Variants in NECAB2 observed in about 807,000 individuals in gnomAD.
The protein encoded by NECAB2 is N-terminal EF-hand calcium binding protein 2, also known as N-terminal EF-hand calcium-binding protein 2.
In NECAB2, 68 loss-of-function variants were observed where a neutral mutation model predicts 51.9. The observed-to-expected ratio is 1.31, with a 90% CI of 1.08 to 1.60. The LOEUF (loss-of-function observed/expected upper bound fraction) is 1.60, where lower values mean the gene tolerates loss of function less well. Ranked by LOEUF, NECAB2 falls within the 40% of genes most tolerant of loss-of-function variation. The probability of loss-of-function intolerance (pLI) is 0.00; values close to 1 mark genes in which losing one functional copy is unlikely to be tolerated. For missense variants in NECAB2, 854 were observed against 490.3 expected, an observed-to-expected ratio of 1.74 and a Z score of -7.00; for synonymous variants, 329 against 203.5, an observed-to-expected ratio of 1.62 and a Z score of -5.25.
chr16:83,990,381 C>G lies in NECAB2; in HGVS notation c.460-113C>G, dbSNP rs1359730866. ...AGGAGGCCGTGGGGTCCTCCCTTCCCTTTGCAAAGCAAATTCACCAGCACC... is the reference window on the plus strand; with the variant it reads ...AGGAGGCCGTGGGGTCCTCCCTTCCGTTTGCAAAGCAAATTCACCAGCACC... On this transcript the variant is annotated intron_variant, in intron 5 of 12. Transcript: ENST00000305202. 3.5e-6 allele frequency: 5 copies of G among 1,419,850 alleles called. No homozygotes were observed. The East Asian group carries it at 6.9e-5, about 20-fold the overall frequency. The allele number at this position is 1,419,850 out of a possible 1,614,324, so 88.0% of individuals were successfully genotyped here.
At chr16:83,978,064 C>T (rs984300853) in intron 2 of NECAB2, among the ~76,000 whole-genome samples, 3 of 152,128 alleles carry the variant, frequency 2.0e-5, no homozygotes, top group Admixed American at 6.6e-5. Context: ...AATTCACTGG[C>T]AGGGGGCAGA....
At chr16:83,968,968 A>G in intron 1 of NECAB2, 119 bp downstream of exon 1, 1 of 555,816 alleles carries the variant, frequency 1.8e-6, no homozygotes, top group Non-Finnish European at 2.3e-6. Flanking sequence ...CGGGCAGGAG[A>G]CCCCCGGCCC....
chr16:83,997,260 C>G lies in NECAB2; in HGVS notation c.840C>G (p.Gly280=). ...AGCAGCGCCTGTCAGATGAAGATGG[C>G]ACCAACATGGTGAGGCCCCTTCCCA... ...DLQQRLSDED[G]TNMHLQLVRQ... is the part of the protein sequence containing the mutation. Residue 280 remains glycine (G), a synonymous_variant, in exon 9 of 13, where the codon GGC becomes GGG. Transcript: ENST00000305202. 3.1e-6 allele frequency: 5 copies of G among 1,614,134 alleles called. No homozygotes were observed. The highest frequency in any genetic ancestry group is 4.2e-6 in the Non-Finnish European group (5 of 1,180,014).
At chr16:83,994,092 C>A (rs1475928440) in intron 6 of NECAB2, among the ~76,000 whole-genome samples, 1 of 152,234 alleles carries the variant, frequency 6.6e-6, no homozygotes, top group African/African-American at 2.4e-5. Context: ...ATTCGAATCC[C>A]AGCTCTGCCC....
chr16:83,989,698 A>G (rs952184539), intron 5 of NECAB2, among the ~76,000 whole-genome samples: 7 of 152,146 alleles, frequency 4.6e-5, no homozygotes, highest in African/African-American at 1.4e-4. Flanking sequence ...CTTCTGCTGT[A>G]AAGTCTTTGC....
chr16:83,991,037 A>G (rs1236113916), intron 6 of NECAB2, among the ~76,000 whole-genome samples: 1 of 152,112 alleles, frequency 6.6e-6, no homozygotes, highest in East Asian at 1.9e-4. Context: ...CCAGGAGTGC[A>G]GTGGCGTGAT....
chr16:83,965,910 G>A (rs2084275180), upstream of NECAB2: 2 of 1,612,676 alleles, frequency 1.2e-6, no homozygotes, highest in South Asian at 1.1e-5. Context: ...TACGCCATGG[G>A]GCCGCTGGCC....
At chr16:83,999,899 G>GA (rs1567680416) in intron 10 of NECAB2, among the ~76,000 whole-genome samples, 14 of 137,630 alleles carry the variant, frequency 1.0e-4, no homozygotes, top group African/African-American at 5.0e-4. Context: ...AAGGTTTTTT[G>GA]AGACCAAATC....
chr16:84,002,282 G>T lies in NECAB2; in HGVS notation c.1133-36G>T, dbSNP rs370431890. On this transcript the variant is annotated intron_variant, in intron 12 of 12. Transcript: ENST00000305202. Reference sequence around the variant, plus strand: ...ACCAGCTACGAGGCTGCCCACATTCGCACTCCTTCCCTCTAACGTGTCTCT... The same window carrying T: ...ACCAGCTACGAGGCTGCCCACATTCTCACTCCTTCCCTCTAACGTGTCTCT... 5.6e-6 allele frequency: 9 copies of T among 1,612,420 alleles called. No homozygotes were observed. In the South Asian group the frequency reaches 7.7e-5, roughly 14 times the overall value.
chr16:83,968,724 G>A lies in NECAB2; in HGVS notation c.76G>A (p.Ala26Thr). ...LLREPPQQGR[A>T]LGGLLRWVGA... ...CCGGGAGCCGCCGCAGCAGGGCCGG[G>A]CGCTGGGCGGGCTGCTGCGCTGGGT... Residue 26 changes from alanine (A) to threonine (T), a missense_variant, in exon 1 of 13, where the codon GCG (alanine) becomes ACG (threonine). By Grantham distance (58) the Ala-to-Thr change is moderately conservative. Transcript: ENST00000305202. 2.9e-6 allele frequency: 3 copies of A among 1,028,564 alleles called. No homozygotes were observed. The highest frequency in any genetic ancestry group is 3.5e-6 in the Non-Finnish European group (3 of 860,294). 63.7% of individuals were successfully genotyped at this position (1,028,564 alleles called of 1,614,324 possible).
intron 8 of NECAB2, among the ~76,000 whole-genome samples, chr16:83,996,761 G>A (rs553427675): frequency 1.3e-5 from 2 of 152,268 alleles, no homozygotes; most frequent in East Asian, 3.9e-4. Context: ...GGTTCCTGGA[G>A]ACCGAAACTT....
chr16:84,001,993 C>G (rs573125103), intron 12 of NECAB2, 77 bp downstream of exon 12: 1 of 1,466,602 alleles, frequency 6.8e-7, no homozygotes, highest in African/African-American at 1.4e-5. Flanking sequence ...TGCCCCATAT[C>G]TCCCGGGGAC....
At position 84,002,559 on chromosome 16, in the gene NECAB2, C is replaced by G. The variant is rs540155957; in HGVS notation, c.*213C>G. ...TGTGCTGCCAGGTCCTGGTGAAGCCCAAGGTTGAAGGGGGCGGCTTCCTGG... is the reference window on the plus strand; with the variant it reads ...TGTGCTGCCAGGTCCTGGTGAAGCCGAAGGTTGAAGGGGGCGGCTTCCTGG... On this transcript the variant is annotated 3_prime_UTR_variant, in exon 13 of 13. Transcript: ENST00000305202. 1.2e-5 allele frequency: 8 copies of G among 649,676 alleles called. No homozygotes were observed. In the African/African-American group the frequency reaches 1.5e-4, roughly 12 times the overall value. The allele number at this position is 649,676 out of a possible 1,614,324, so 40.2% of individuals were successfully genotyped here. A position where few individuals can be genotyped will look rare whatever the true frequency, so the allele number is the denominator to read the frequency against.
intron 6 of NECAB2, 35 bp downstream of exon 6, chr16:83,990,665 G>A (rs375657404): frequency 6.2e-6 from 10 of 1,610,960 alleles, no homozygotes; most frequent in East Asian, 2.2e-5. Flanking sequence ...TCCCATGGGG[G>A]TATGCCGTGC....
At chr16:83,975,438 G>A (rs2084398345) in intron 2 of NECAB2, among the ~76,000 whole-genome samples, 1 of 152,124 alleles carries the variant, frequency 6.6e-6, no homozygotes, top group Non-Finnish European at 1.5e-5. Context: ...ACTGACGCTA[G>A]CCCTGCCTCA....
Position 83,998,225 on chromosome 16 carries a change from G to C in NECAB2, c.870G>C (p.Gln290His). 6.2e-7 allele frequency: 1 copy of C among 1,611,234 alleles called. No individual in the cohort carries two copies. Among genetic ancestry groups the C allele is most frequent in the Non-Finnish European group, 8.5e-7 (1 of 1,180,012 alleles). ...GTNMHLQLVR[Q>H]EMAVCPEQLS... Reference sequence around the variant, plus strand: ...GGCAGCACCTGCAGCTGGTCCGGCAGGAGATGGCCGTGTGCCCCGAGCAAC... The same window carrying C: ...GGCAGCACCTGCAGCTGGTCCGGCACGAGATGGCCGTGTGCCCCGAGCAAC... Residue 290 changes from glutamine to histidine, a missense_variant, in exon 10 of 13, where the codon CAG (glutamine) becomes CAC (histidine). Physicochemically the swap from Gln to His is conservative, Grantham distance 24 (BLOSUM62 0). Transcript: ENST00000305202.
chr16:84,002,127 G>A (rs1360600924), intron 12 of NECAB2, among the ~76,000 whole-genome samples, 191 bp from the exon 13 acceptor site: 1 of 152,088 alleles, frequency 6.6e-6, no homozygotes, highest in African/African-American at 2.4e-5. Flanking sequence ...CCCCTCCACG[G>A]CCCCCTACTT....
At position 83,998,192 on chromosome 16, in the gene NECAB2, C is replaced by G. The variant is rs1567678638; in HGVS notation, c.850-13C>G. The G allele has an allele frequency of 6.2e-7, 1 of 1,605,688 alleles. No homozygotes were observed. The highest frequency in any genetic ancestry group is 1.7e-5 in the Admixed American group (1 of 59,894). On this transcript the variant is annotated splice_polypyrimidine_tract_variant and intron_variant, in intron 9 of 12. Coordinates refer to ENST00000305202, the MANE Select transcript of NECAB2 (RefSeq NM_019065.3). ...ACGTGGAGCCCCACACTGACTCCTG[C>G]TGTGCCCGGCAGCACCTGCAGCTGG...
At position 83,974,040 on chromosome 16, in the gene NECAB2, C is replaced by T. The variant is rs535890770; in HGVS notation, c.226+1865C>T. On this transcript the variant is annotated intron_variant, in intron 2 of 12. Coordinates refer to ENST00000305202, the MANE Select transcript of NECAB2 (RefSeq NM_019065.3). Reference sequence around the variant, plus strand: ...CCCCCATCAGAGGCCATGTGTCCACCCCCTGAGCACAGCTGTGGGACTCTC... The same window carrying T: ...CCCCCATCAGAGGCCATGTGTCCACTCCCTGAGCACAGCTGTGGGACTCTC... 8.2e-3 allele frequency among the ~76,000 whole-genome samples: 1,251 copies of T among 152,092 alleles called. 8 individuals carry two copies. Among genetic ancestry groups the T allele is most frequent in the Non-Finnish European group, 0.013 (911 of 68,006 alleles).
Sources: allele counts gnomAD v4.1 joint callset (sites outside exome capture counted in the v4.1 genomes callset), GRCh38; gene constraint gnomAD v4.1.1; transcripts MANE v1.5; gene names NCBI Gene and HGNC (gene_info 2026-07-23, HGNC 2026-07-21).